Variants in C19orf81 observed in about 807,000 individuals in gnomAD.
The protein encoded by C19orf81 is chromosome 19 open reading frame 81.
A neutral mutation model predicts 22.1 loss-of-function variants in C19orf81; 19 were observed. The ratio of observed to expected loss-of-function variants is 0.86; its 90% confidence interval spans 0.60 to 1.26. C19orf81 has a LOEUF of 1.26. Ranked by LOEUF, C19orf81 falls within the 50% of genes most tolerant of loss-of-function variation. C19orf81 has a pLI of 0.00. For synonymous variants in C19orf81, 108 were observed against 113.1 expected (o/e 0.95, Z 0.29); for missense variants, 287 against 280.7 (o/e 1.02, Z -0.16).
At chr19:50,655,657 A>G (rs1477021490) in intron 1 of C19orf81, among the ~76,000 whole-genome samples, 1 of 152,050 alleles carries the variant, frequency 6.6e-6, no homozygotes, top group African/African-American at 2.4e-5. Flanking sequence ...TCAAAAAAAA[A>G]AAACAAAAAA....
At chr19:50,656,690 G>A (rs765739088) in intron 3 of C19orf81, among the ~76,000 whole-genome samples, 8 of 152,116 alleles carry the variant, frequency 5.3e-5, no homozygotes, top group African/African-American at 9.7e-5. Context: ...GGTGGCTCAC[G>A]CCTGTAATCC....
chr19:50,653,573 C>G (rs1253403139), intron 1 of C19orf81, among the ~76,000 whole-genome samples: 1 of 151,748 alleles, frequency 6.6e-6, no homozygotes, highest in East Asian at 1.9e-4. Context: ...GTCTACCGCA[C>G]GTGTGTGTGT....
At chr19:50,649,562 G>C in intron 1 of C19orf81, 51 bp downstream of exon 1, 2 of 1,520,522 alleles carry the variant, frequency 1.3e-6, no homozygotes, top group Non-Finnish European at 1.8e-6. Context: ...CATCCAGGCA[G>C]TGCGTAGTAG....
At chr19:50,657,852 T>G in intron 3 of C19orf81, 137 bp from the exon 4 acceptor site, 1 of 1,159,412 alleles carries the variant, frequency 8.6e-7, no homozygotes, top group Non-Finnish European at 1.2e-6. Flanking sequence ...TACCCTGGGA[T>G]TAAGAGCGAT....
intron 1 of C19orf81, among the ~76,000 whole-genome samples, chr19:50,651,596 G>C (rs1233823561): frequency 2.0e-5 from 3 of 152,158 alleles, no homozygotes; most frequent in South Asian, 4.2e-4. Context: ...CCAGCTACTT[G>C]GGAGGCTGAG....
chr19:50,649,465 C>G lies in C19orf81; in HGVS notation c.21C>G (p.Pro7=), dbSNP rs1033025338. 1.3e-6 allele frequency: 2 copies of G among 1,536,196 alleles called. No individual in the cohort carries two copies. The highest frequency in any genetic ancestry group is 8.7e-7 in the Non-Finnish European group (1 of 1,146,870). The change falls in exon 1 of 5, where the codon CCC becomes CCG. Residue 7 remains proline (P), a synonymous_variant. Coordinates refer to ENST00000425202, the MANE Select transcript of C19orf81 (RefSeq NM_001195076.2). MQPEVE[P]VCFPAMGSPT... Reference sequence around the variant, plus strand: ...CCAGGATGCAGCCAGAGGTGGAGCCCGTGTGCTTCCCTGCCATGGGCAGCC... The same window carrying G: ...CCAGGATGCAGCCAGAGGTGGAGCCGGTGTGCTTCCCTGCCATGGGCAGCC...
intron 1 of C19orf81, among the ~76,000 whole-genome samples, chr19:50,652,386 G>A (rs1284100662): frequency 2.0e-5 from 3 of 152,172 alleles, no homozygotes; most frequent in African/African-American, 7.2e-5. Flanking sequence ...AGGGAAGACA[G>A]AGTGTAATTA....
At chr19:50,654,599 G>T (rs1329786338) in intron 1 of C19orf81, among the ~76,000 whole-genome samples, 2 of 147,570 alleles carry the variant, frequency 1.4e-5, no homozygotes, top group Admixed American at 6.7e-5. Context: ...ACCAGGCTCC[G>T]TCCCTCCCTC....
At chr19:50,657,315 A>G (rs1328958085) in intron 3 of C19orf81, among the ~76,000 whole-genome samples, 2 of 152,202 alleles carry the variant, frequency 1.3e-5, no homozygotes, top group Non-Finnish European at 2.9e-5. Flanking sequence ...GGGACTCTCC[A>G]GCCTCCCCTC....
At chr19:50,650,189 CAG>C (rs1329080450) in intron 1 of C19orf81, among the ~76,000 whole-genome samples, 1 of 152,216 alleles carries the variant, frequency 6.6e-6, no homozygotes, top group Non-Finnish European at 1.5e-5. Context: ...ACCTCTAGGA[CAG>C]AGACCCAAAG....
At position 50,653,331 on chromosome 19, in the gene C19orf81, G is replaced by A. The variant is rs535197456; in HGVS notation, c.68-2719G>A. Among the ~76,000 whole-genome samples, 8 of 152,216 alleles carry A rather than the reference G, an allele frequency of 5.3e-5. No individual in the cohort carries two copies. The East Asian group carries it at 1.5e-3, about 29-fold the overall frequency. On this transcript the variant is annotated intron_variant, in intron 1 of 4. Transcript: ENST00000425202. ...TGGGATTACAGGCGTGAGCTACTGT[G>A]CCCGGCCACAGTGGAAAGTATTTTT...
At position 50,651,961 on chromosome 19, in the gene C19orf81, C is replaced by T. The variant is rs548848822; in HGVS notation, c.67+2450C>T. On this transcript the variant is annotated intron_variant, in intron 1 of 4. Coordinates refer to ENST00000425202, the MANE Select transcript of C19orf81 (RefSeq NM_001195076.2). ...TAGAGTTACTTTTTGATTCATTTAA[C>T]GCTTGTACAAGGCTATTTTTTAAAA... Among the ~76,000 whole-genome samples, 20 of 152,160 alleles carry T rather than the reference C, an allele frequency of 1.3e-4. No individual in the cohort carries two copies. In the East Asian group the frequency reaches 1.7e-3, roughly 13 times the overall value.
At chr19:50,650,380 C>T (rs58034535) in intron 1 of C19orf81, among the ~76,000 whole-genome samples, 5,450 of 152,268 alleles carry the variant, frequency 0.036, 313 homozygotes, top group African/African-American at 0.12. Flanking sequence ...AATAGAAAAC[C>T]AAACTCAGGA....
In C19orf81 at chr19:50,655,912, G is replaced by T. The variant is rs1430433992; in HGVS notation, c.68-138G>T. On this transcript the variant is annotated intron_variant, in intron 1 of 4. Transcript: ENST00000425202. ...CCGGTGTCATGGGGTGGAGTTTGGA[G>T]CTAAGAGACAGTAACTCAACATCTG... The T allele has an allele frequency of 9.5e-5, 77 of 810,390 alleles. No homozygotes were observed. The East Asian group carries it at 2.0e-3, about 21-fold the overall frequency. 50.2% of individuals were successfully genotyped at this position (810,390 alleles called of 1,614,324 possible).
rs929732303 is a variant in C19orf81, at chr19:50,659,179, C to T, written c.*37C>T. On this transcript the variant is annotated 3_prime_UTR_variant, in exon 5 of 5. Transcript: ENST00000425202. ...GCCCCGGCAGCGCTTGCGCACCGCCCCGCGGGCTGGGGCCACCCACCCGGA... is the reference window on the plus strand; with the variant it reads ...GCCCCGGCAGCGCTTGCGCACCGCCTCGCGGGCTGGGGCCACCCACCCGGA... 24 of 1,278,604 alleles carry T rather than the reference C, an allele frequency of 1.9e-5. No individual in the cohort carries two copies. In the Admixed American group the frequency reaches 4.7e-4, roughly 25 times the overall value. The allele number at this position is 1,278,604 out of a possible 1,614,324, so 79.2% of individuals were successfully genotyped here. A position where few individuals can be genotyped will look rare whatever the true frequency, so the allele number is the denominator to read the frequency against.
chr19:50,655,092 A>G (rs944694199), intron 1 of C19orf81, among the ~76,000 whole-genome samples: 6 of 152,188 alleles, frequency 3.9e-5, no homozygotes, highest in African/African-American at 1.4e-4. Context: ...ACTCCAGCTA[A>G]CACTTCATTG....
chr19:50,659,022 G>T lies in C19orf81; in HGVS notation c.477G>T (p.Ala159=). 6.5e-7 allele frequency: 1 copy of T among 1,529,122 alleles called. No individual in the cohort carries two copies. Among genetic ancestry groups the T allele is most frequent in the South Asian group, 1.2e-5 (1 of 83,044 alleles). The allele number at this position is 1,529,122 out of a possible 1,614,324, so 94.7% of individuals were successfully genotyped here. ...CCGGGCTCAGTCCCCGCGGGCTTGC[G>T]CACCAGATCGTGCGCCACGACGACC... The part of the protein sequence containing the change: ...LRSGLSPRGL[A]HQIVRHDDLL... The change falls in exon 5 of 5, where the codon GCG becomes GCT. Residue 159 remains alanine (A), a synonymous_variant. Coordinates refer to ENST00000425202, the MANE Select transcript of C19orf81 (RefSeq NM_001195076.2).
In C19orf81 at chr19:50,659,125, C is replaced by T; in HGVS notation, c.580C>T (p.Pro194Ser). Residue 194 changes from proline (P) to serine (S), a missense_variant, in exon 5 of 5, where the codon CCG (proline) becomes TCG (serine). By Grantham distance (74) the Pro-to-Ser change is moderately conservative. Coordinates refer to ENST00000425202, the MANE Select transcript of C19orf81 (RefSeq NM_001195076.2). ...RRMLEALGAE[P>S]NEEA ...CATGCTCGAGGCCCTGGGGGCGGAG[C>T]CGAACGAGGAGGCCTGACGCCCGGG... is the stretch of plus-strand genomic sequence containing the variant. The T allele has an allele frequency of 7.0e-7, 1 of 1,424,456 alleles. No individual in the cohort carries two copies. Among genetic ancestry groups the T allele is most frequent in the South Asian group, 1.4e-5 (1 of 70,366 alleles). The allele number at this position is 1,424,456 out of a possible 1,614,324, so 88.2% of individuals were successfully genotyped here.
intron 1 of C19orf81, chr19:50,649,946 C>T (rs1168648910): frequency 4.7e-6 from 2 of 427,968 alleles, no homozygotes; most frequent in East Asian, 7.0e-5. Flanking sequence ...CTCCCACAGC[C>T]CATCAGGCCC....
Sources: allele counts gnomAD v4.1 joint callset (sites outside exome capture counted in the v4.1 genomes callset), GRCh38; gene constraint gnomAD v4.1.1; transcripts MANE v1.5; gene names NCBI Gene and HGNC (gene_info 2026-07-23, HGNC 2026-07-21).